PTK7: variants seen among roughly 807,000 people sequenced by gnomAD.
The protein encoded by PTK7 is protein tyrosine kinase 7 (inactive).
In PTK7, 39 loss-of-function variants were observed where a neutral mutation model predicts 116.6. That is an observed-to-expected ratio of 0.33 (90% CI 0.26 to 0.44). The LOEUF is 0.44. PTK7 is among the 20% of genes least tolerant of loss of function. The probability of loss-of-function intolerance (pLI) is 1.00; values close to 1 mark genes in which losing one functional copy is unlikely to be tolerated. For synonymous variants in PTK7, 546 were observed against 563.6 expected (o/e 0.97, Z 0.44); for missense variants, 1,169 against 1,425.6 (o/e 0.82, Z 2.90).
intron 1 of PTK7, among the ~76,000 whole-genome samples, chr6:43,082,822 G>A (rs1373642416): frequency 6.6e-6 from 1 of 152,210 alleles, no homozygotes; most frequent in Admixed American, 6.5e-5. Context: ...TTTTCCTAGA[G>A]GAGAATACGG....
chr6:43,129,486 A>T lies in PTK7; in HGVS notation c.367+222A>T, dbSNP rs1582155435. The T allele has an allele frequency of 1.3e-6, 1 of 744,090 alleles. No individual in the cohort carries two copies. The highest frequency in any genetic ancestry group is 2.1e-6 in the Non-Finnish European group (1 of 468,414). The allele number at this position is 744,090 out of a possible 1,614,324, so 46.1% of individuals were successfully genotyped here. On this transcript the variant is annotated intron_variant, in intron 2 of 19. Transcript: ENST00000230419. The surrounding 1 kb of genome is among the most constrained non-coding windows in gnomAD (Gnocchi z 4.5). ...AGTCTGGGACCCATTTATCTGCTGCATGCTTGTGCAAATGGAAAGGGCGGC... is the reference window on the plus strand; with the variant it reads ...AGTCTGGGACCCATTTATCTGCTGCTTGCTTGTGCAAATGGAAAGGGCGGC...
At position 43,160,896 on chromosome 6, in the gene PTK7, C is replaced by T. The variant is rs1561994179; in HGVS notation, c.*15C>T. 1.2e-6 allele frequency: 2 copies of T among 1,612,672 alleles called. No individual in the cohort carries two copies. Among genetic ancestry groups the T allele is most frequent in the East Asian group, 2.2e-5 (1 of 44,848 alleles). ...GCAAGCCGTGAGGAGGGAGCCCGCTCAGGATGGCCTGGGCAGGGGAGGACA... is the reference window on the plus strand; with the variant it reads ...GCAAGCCGTGAGGAGGGAGCCCGCTTAGGATGGCCTGGGCAGGGGAGGACA... On this transcript the variant is annotated 3_prime_UTR_variant, in exon 20 of 20. Transcript: ENST00000230419.
chr6:43,124,709 T>C (rs1769179190), intron 1 of PTK7, among the ~76,000 whole-genome samples: 1 of 151,902 alleles, frequency 6.6e-6, no homozygotes, highest in African/African-American at 2.4e-5. Flanking sequence ...CAGGCCAACG[T>C]CCCCCGCTGC....
intron 1 of PTK7, among the ~76,000 whole-genome samples, chr6:43,080,921 G>T (rs192095687): frequency 3.4e-4 from 52 of 150,984 alleles, no homozygotes; most frequent in African/African-American, 1.2e-3. Flanking sequence ...CAGCCTGGGC[G>T]ACGGAACGAG....
intron 1 of PTK7, among the ~76,000 whole-genome samples, chr6:43,121,820 G>A (rs1768983671): frequency 6.6e-6 from 1 of 152,182 alleles, no homozygotes; most frequent in Admixed American, 6.5e-5. Context: ...AGTTATTCCT[G>A]TAGTGATTGA....
At chr6:43,109,270 G>A (rs1582109147) in intron 1 of PTK7, among the ~76,000 whole-genome samples, 1 of 152,014 alleles carries the variant, frequency 6.6e-6, no homozygotes, top group Non-Finnish European at 1.5e-5. Context: ...TGAACTCCGG[G>A]GCTCAAGCAA....
intron 17 of PTK7, among the ~76,000 whole-genome samples, chr6:43,157,788 G>A (rs553363351): frequency 2.3e-4 from 35 of 151,836 alleles, no homozygotes; most frequent in South Asian, 6.3e-4. Context: ...GTGCAATGGC[G>A]CAATCTCGGC....
intron 1 of PTK7, among the ~76,000 whole-genome samples, chr6:43,079,568 G>A (rs1215635653): frequency 6.6e-6 from 1 of 151,578 alleles, no homozygotes; most frequent in Non-Finnish European, 1.5e-5. Flanking sequence ...TACATATAAC[G>A]TACACACAAC....
At chr6:43,142,473 G>A (rs1223162354) in intron 13 of PTK7, 174 bp downstream of exon 13, 2 of 1,057,608 alleles carry the variant, frequency 1.9e-6, no homozygotes, top group Middle Eastern at 3.9e-4. Flanking sequence ...CTCAGAGCCG[G>A]GCTGTCGTTT....
chr6:43,082,112 A>G (rs991521429), intron 1 of PTK7, among the ~76,000 whole-genome samples: 1 of 152,142 alleles, frequency 6.6e-6, no homozygotes, highest in Admixed American at 6.6e-5. Flanking sequence ...TACTTGAAGA[A>G]AGACCCAGGG....
Position 43,145,327 on chromosome 6 carries a change from G to A in PTK7, c.2535G>A (p.Arg845=). The change falls in exon 16 of 20, where the codon AGG becomes AGA. Residue 845 remains arginine, a synonymous_variant. Transcript: ENST00000230419. The surrounding 1 kb of genome is among the most constrained non-coding windows in gnomAD (Gnocchi z 4.8). ...KDEQQQLDFR[R]ELEMFGKLNH... ...AGCAGCAGCAGCTGGACTTCCGGAG[G>A]GAGTTGGAGATGTTTGGGAAGCTGA... 6.2e-7 allele frequency: 1 copy of A among 1,613,968 alleles called. No individual in the cohort carries two copies.
At chr6:43,157,659 T>G (rs991171866) in intron 17 of PTK7, among the ~76,000 whole-genome samples, 2 of 151,790 alleles carry the variant, frequency 1.3e-5, no homozygotes, top group African/African-American at 4.8e-5. Context: ...GGCAGGAGGA[T>G]CGCTTGAGGT....
chr6:43,086,469 C>T (rs548809328), intron 1 of PTK7, among the ~76,000 whole-genome samples: 44 of 150,486 alleles, frequency 2.9e-4, no homozygotes, highest in Admixed American at 2.2e-3. Context: ...ATGAGGGGAA[C>T]GCTTGTCTGC....
intron 7 of PTK7, chr6:43,132,929 G>A (rs1769790776): frequency 6.6e-6 from 4 of 609,206 alleles, no homozygotes; most frequent in Non-Finnish European, 1.2e-5. Flanking sequence ...TGGGTACAGA[G>A]GAAAGAGCAA....
At chr6:43,135,406 T>C (rs1769970275) in intron 7 of PTK7, among the ~76,000 whole-genome samples, 1 of 152,214 alleles carries the variant, frequency 6.6e-6, no homozygotes, top group Admixed American at 6.5e-5. Flanking sequence ...GTTCATATTC[T>C]AACAGCGGGG....
intron 1 of PTK7, among the ~76,000 whole-genome samples, chr6:43,122,060 TG>T (rs1041532644): frequency 2.6e-5 from 4 of 152,094 alleles, no homozygotes; most frequent in African/African-American, 9.7e-5. Flanking sequence ...GAGAATTGCT[TG>T]GGCCTCGGAG....
chr6:43,092,086 C>T (rs774195749), intron 1 of PTK7, among the ~76,000 whole-genome samples: 33 of 152,302 alleles, frequency 2.2e-4, no homozygotes, highest in South Asian at 1.0e-3. Context: ...TGGTCTTGAA[C>T]TCCTGACCTC....
chr6:43,101,568 A>C (rs903380369), intron 1 of PTK7, among the ~76,000 whole-genome samples: 1 of 152,064 alleles, frequency 6.6e-6, no homozygotes, highest in African/African-American at 2.4e-5. Context: ...AAAAATAAAA[A>C]AAAAAAGAAA....
chr6:43,157,327 T>G (rs1236282493), intron 17 of PTK7, among the ~76,000 whole-genome samples: 4 of 2,116 alleles, frequency 1.9e-3, no homozygotes. Context: ...ACACACACGC[T>G]ATATATATAT....
Sources: allele counts gnomAD v4.1 joint callset (sites outside exome capture counted in the v4.1 genomes callset), GRCh38; gene constraint gnomAD v4.1.1; non-coding constraint Gnocchi (gnomAD v3.1); transcripts MANE v1.5; gene names NCBI Gene and HGNC (gene_info 2026-07-23, HGNC 2026-07-21).